PLEKHA7: variants seen among roughly 807,000 people sequenced by gnomAD.
The protein encoded by PLEKHA7 is pleckstrin homology domain-containing family A member 7.
PLEKHA7 carries 104 observed loss-of-function variants against 170.0 expected under a neutral mutation model. That is an observed-to-expected ratio of 0.61 (90% CI 0.52 to 0.72). The LOEUF (loss-of-function observed/expected upper bound fraction) is 0.72. Among genes scored for constraint, PLEKHA7 ranks in the 30% least tolerant of loss-of-function variants. The pLI is 0.00. For synonymous variants in PLEKHA7, 648 were observed against 660.8 expected (o/e 0.98, Z 0.30); for missense variants, 1,615 against 1,671.7 (o/e 0.97, Z 0.59).
chr11:16,853,299 A>C (rs1327154585), intron 6 of PLEKHA7, among the ~76,000 whole-genome samples: 1 of 152,256 alleles, frequency 6.6e-6, no homozygotes, highest in Admixed American at 6.5e-5. Flanking sequence ...GAAATACAGC[A>C]TAAGGATTGT....
chr11:16,836,660 G>A (rs1851532188), intron 9 of PLEKHA7, among the ~76,000 whole-genome samples: 1 of 152,204 alleles, frequency 6.6e-6, no homozygotes, highest in Non-Finnish European at 1.5e-5. Context: ...TGGAAAAATA[G>A]AACATTTAAT....
intron 3 of PLEKHA7, among the ~76,000 whole-genome samples, chr11:17,006,311 A>G (rs1864988041): frequency 7.1e-6 from 1 of 141,558 alleles, no homozygotes; most frequent in Non-Finnish European, 1.5e-5. Flanking sequence ...CTGGGCAACA[A>G]GAATGAAACT....
rs778058147 is a variant in PLEKHA7, at chr11:16,826,476, A to G, written c.987T>C (p.His329=). ...GCCTCTCGAAGTTGACAATGTCATC[A>G]TGGCCACGATGAGGACAATCTCTCG... is the stretch of plus-strand genomic sequence containing the variant. ...GHTRDCPHRG[H]DDIVNFERQE... The change falls in exon 10 of 27, where the codon CAT becomes CAC. Residue 329 remains histidine, a synonymous_variant. Coordinates refer to ENST00000531066, the MANE Select transcript of PLEKHA7 (RefSeq NM_001329630.2). 1.9e-6 allele frequency: 3 copies of G among 1,614,192 alleles called. No homozygotes were observed. Among genetic ancestry groups the G allele is most frequent in the Non-Finnish European group, 2.5e-6 (3 of 1,180,034 alleles).
intron 3 of PLEKHA7, among the ~76,000 whole-genome samples, chr11:16,913,360 C>G (rs1356221143): frequency 6.6e-6 from 1 of 152,182 alleles, no homozygotes; most frequent in Non-Finnish European, 1.5e-5. Flanking sequence ...CTGGCCCGCA[C>G]AGCATGGGCA....
At chr11:16,803,125 A>T in intron 14 of PLEKHA7, 73 bp from the exon 15 acceptor site, 3 of 1,563,960 alleles carry the variant, frequency 1.9e-6, no homozygotes, top group Non-Finnish European at 1.8e-6. Context: ...GCAATCAGAC[A>T]GCCTTTGGCT....
chr11:16,980,009 G>A (rs1241114605), intron 3 of PLEKHA7, among the ~76,000 whole-genome samples: 1 of 152,128 alleles, frequency 6.6e-6, no homozygotes, highest in African/African-American at 2.4e-5. Flanking sequence ...GCAGACTAGA[G>A]GGAGGCAAAA....
chr11:16,928,452 T>G (rs956731547), intron 3 of PLEKHA7, among the ~76,000 whole-genome samples: 5 of 152,008 alleles, frequency 3.3e-5, no homozygotes, highest in Admixed American at 6.6e-5. Context: ...GATTTTTTTT[T>G]TTTTTTTGTA....
rs761516483 is a variant in PLEKHA7, at chr11:16,841,566, A to C, written c.853T>G (p.Ser285Ala). ...RAMNQAAQVL[S>A]RSSLKRDMEK... ...ACTAACCTCTTCAGTGACGATCGAG[A>C]CAGCACCTGTGCAGCCTGGTTCATG... The change falls in exon 9 of 27, where the codon TCT (serine) becomes GCT (alanine). Residue 285 changes from serine to alanine, a missense_variant. By Grantham distance (99) the Ser-to-Ala change is moderately conservative. Coordinates refer to ENST00000531066, the MANE Select transcript of PLEKHA7 (RefSeq NM_001329630.2). The C allele has an allele frequency of 6.8e-6, 11 of 1,613,642 alleles. No homozygotes were observed. The East Asian group carries it at 2.5e-4, about 36-fold the overall frequency.
chr11:16,958,127 G>A (rs1484732446), intron 3 of PLEKHA7, among the ~76,000 whole-genome samples: 1 of 152,016 alleles, frequency 6.6e-6, no homozygotes, highest in African/African-American at 2.4e-5. Flanking sequence ...ACTAGCCTGG[G>A]CAACATGACA....
rs1398768023 is a variant in PLEKHA7, at chr11:16,906,137, A to G, written c.222-34955T>C. On this transcript the variant is annotated intron_variant, in intron 3 of 26. Transcript: ENST00000531066. ...GCTGAACTGTGTTCCCTTCAAAATT[A>G]ATATTCAAAGTCCTAATCCCAGAAC... Among the ~76,000 whole-genome samples, 3 of 152,146 alleles carry G rather than the reference A, an allele frequency of 2.0e-5. No individual in the cohort carries two copies. In the East Asian group the frequency reaches 5.8e-4, roughly 29 times the overall value.
intron 19 of PLEKHA7, 104 bp downstream of exon 19, chr11:16,794,384 G>A (rs764552708): frequency 6.3e-6 from 7 of 1,116,002 alleles, no homozygotes; most frequent in Middle Eastern, 3.8e-4. Context: ...GACGCTGGCT[G>A]GGTCCATTTC....
At chr11:16,890,191 TAAAAAC>T in intron 3 of PLEKHA7, among the ~76,000 whole-genome samples, 1 of 152,252 alleles carries the variant, frequency 6.6e-6, no homozygotes, top group Non-Finnish European at 1.5e-5. Flanking sequence ...TTCATCATCA[TAAAAAC>T]ACATGAAAGT....
At chr11:16,836,426 T>G (rs1367409582) in intron 9 of PLEKHA7, among the ~76,000 whole-genome samples, 1 of 152,192 alleles carries the variant, frequency 6.6e-6, no homozygotes, top group Non-Finnish European at 1.5e-5. Flanking sequence ...CAGTCAACAG[T>G]CCTAATACAT....
intron 3 of PLEKHA7, among the ~76,000 whole-genome samples, chr11:16,907,150 G>GA (rs1857823687): frequency 3.1e-5 from 3 of 95,868 alleles, no homozygotes; most frequent in South Asian, 3.5e-4. Context: ...CGCCCCGTCC[G>GA]GAAGGGAGGT....
chr11:16,885,028 A>C (rs1282376176), intron 3 of PLEKHA7, among the ~76,000 whole-genome samples: 5 of 106,604 alleles, frequency 4.7e-5, no homozygotes, highest in Non-Finnish European at 1.0e-4. Flanking sequence ...CTTTTCATGA[A>C]GAAGATCTGT....
chr11:16,959,690 T>C (rs929177683), intron 3 of PLEKHA7, among the ~76,000 whole-genome samples: 5 of 152,210 alleles, frequency 3.3e-5, no homozygotes, highest in African/African-American at 1.2e-4. Flanking sequence ...ACCACCTTGA[T>C]AGAAAGGCTG....
chr11:16,855,028 A>T, intron 5 of PLEKHA7, 35 bp from the exon 6 acceptor site: 1 of 1,588,824 alleles, frequency 6.3e-7, no homozygotes, highest in Non-Finnish European at 8.6e-7. Flanking sequence ...AGCAACAGGG[A>T]ATTTAAGGTG....
rs549205486 is a variant in PLEKHA7 at position 16,807,961 on chromosome 11, G to C, written c.2008-4666C>G. ...TGAGAAGCACTGCCCTAAAACAGGG[G>C]CTCTCAAACTTTAGCATGCATCAGA... On this transcript the variant is annotated intron_variant, in intron 13 of 26. Coordinates refer to ENST00000531066, the MANE Select transcript of PLEKHA7 (RefSeq NM_001329630.2). Among the ~76,000 whole-genome samples, 298 of 152,324 alleles carry C rather than the reference G, an allele frequency of 2.0e-3. 1 individual carries two copies. Among genetic ancestry groups the C allele is most frequent in the Middle Eastern group, 6.8e-3 (2 of 294 alleles).
At chr11:16,806,321 C>G (rs575713243) in intron 13 of PLEKHA7, among the ~76,000 whole-genome samples, 5 of 152,312 alleles carry the variant, frequency 3.3e-5, no homozygotes, top group South Asian at 2.1e-4. Context: ...CCACGTGTAG[C>G]GTATTACATC....
Sources: allele counts gnomAD v4.1 joint callset (sites outside exome capture counted in the v4.1 genomes callset), GRCh38; gene constraint gnomAD v4.1.1; transcripts MANE v1.5; gene names NCBI Gene and HGNC (gene_info 2026-07-23, HGNC 2026-07-21).